The following HS6ST3 variants were observed in gnomAD, a reference collection of about 807,000 sequenced individuals.
HS6ST3 encodes the protein heparan-sulfate 6-O-sulfotransferase 3.
In HS6ST3, 12 loss-of-function variants were observed where a neutral mutation model predicts 36.7. The observed-to-expected ratio is 0.33, with a 90% CI of 0.21 to 0.53. The LOEUF is 0.53. Among genes scored for constraint, HS6ST3 ranks in the 20% least tolerant of loss-of-function variants. The pLI, the probability that HS6ST3 is intolerant of heterozygous loss-of-function variation, is 0.95. For synonymous variants in HS6ST3, 240 were observed against 257.5 expected (o/e 0.93, Z 0.65); for missense variants, 584 against 640.9 (o/e 0.91, Z 0.96).
intron 1 of HS6ST3, among the ~76,000 whole-genome samples, chr13:96,299,645 G>A (rs754697370): frequency 7.2e-5 from 11 of 152,272 alleles, no homozygotes; most frequent in Admixed American, 4.6e-4. Context: ...GAACTTGGGG[G>A]ATAAGTGATA....
At chr13:96,731,312 C>T (rs1876147715) in intron 1 of HS6ST3, among the ~76,000 whole-genome samples, 3 of 152,120 alleles carry the variant, frequency 2.0e-5, no homozygotes, top group African/African-American at 4.8e-5. Flanking sequence ...TTTTCATATT[C>T]CATATAAATG....
At chr13:96,784,607 G>A (rs2138516007) in intron 1 of HS6ST3, among the ~76,000 whole-genome samples, 1 of 152,238 alleles carries the variant, frequency 6.6e-6, no homozygotes, top group East Asian at 1.9e-4. Flanking sequence ...TTAGTCAGCT[G>A]AAAATATTGT....
At chr13:96,786,780 A>G (rs1202420497) in intron 1 of HS6ST3, among the ~76,000 whole-genome samples, 2 of 152,170 alleles carry the variant, frequency 1.3e-5, no homozygotes, top group Non-Finnish European at 2.9e-5. Context: ...GTACAATTCT[A>G]TGAGTTTTAG....
At chr13:96,334,013 A>G (rs1309520318) in intron 1 of HS6ST3, among the ~76,000 whole-genome samples, 1 of 152,132 alleles carries the variant, frequency 6.6e-6, no homozygotes, top group Non-Finnish European at 1.5e-5. Flanking sequence ...ACCTGGCACC[A>G]CGGCCTGTAG....
chr13:96,140,305 G>A (rs1401202558), intron 1 of HS6ST3, among the ~76,000 whole-genome samples: 1 of 152,040 alleles, frequency 6.6e-6, no homozygotes, highest in Non-Finnish European at 1.5e-5. Context: ...ACCTTCTATG[G>A]CTATTGCAGT....
intron 1 of HS6ST3, among the ~76,000 whole-genome samples, chr13:96,600,191 C>A (rs897445924): frequency 6.6e-6 from 1 of 151,976 alleles, no homozygotes; most frequent in African/African-American, 2.4e-5. Context: ...TCTTTGTTGG[C>A]TGTCTGCCTT....
chr13:96,617,041 T>C (rs945531654), intron 1 of HS6ST3, among the ~76,000 whole-genome samples: 1 of 152,240 alleles, frequency 6.6e-6, no homozygotes. Context: ...ATATACCTAG[T>C]GCTGGCATCT....
intron 1 of HS6ST3, among the ~76,000 whole-genome samples, chr13:96,126,721 G>A (rs927703169): frequency 4.6e-5 from 7 of 152,158 alleles, no homozygotes; most frequent in African/African-American, 1.7e-4. Flanking sequence ...CCCAATCTGC[G>A]ACTCTTTCAT....
In HS6ST3 at chr13:96,403,180, A is replaced by G. The variant is rs539214909; in HGVS notation, c.707+311611A>G. Among the ~76,000 whole-genome samples the G allele has an allele frequency of 3.3e-4, 50 of 152,216 alleles. 2 individuals carry two copies. The highest frequency in any genetic ancestry group is 5.0e-4 in the Non-Finnish European group (34 of 68,000). Reference sequence around the variant, plus strand: ...TTATGTGCTTATTGGCCCTGCAAACATCTTTGTTTGTGAAGTGTCGGTTCA... The same window carrying G: ...TTATGTGCTTATTGGCCCTGCAAACGTCTTTGTTTGTGAAGTGTCGGTTCA... On this transcript the variant is annotated intron_variant, in intron 1 of 1. Transcript: ENST00000376705.
intron 1 of HS6ST3, among the ~76,000 whole-genome samples, chr13:96,116,096 T>G (rs1260120865): frequency 3.9e-5 from 6 of 152,130 alleles, no homozygotes. Flanking sequence ...CACAGCAGCA[T>G]CTCTGGAAAA....
chr13:96,797,129 A>G lies in HS6ST3; in HGVS notation c.708-35361A>G, dbSNP rs1025665887. ...TTGGATGATCCTTTTAATTATATTT[A>G]TTGACCCTTCAACTGGAAGTCACCC... is the stretch of plus-strand genomic sequence containing the variant. On this transcript the variant is annotated intron_variant, in intron 1 of 1. Coordinates refer to ENST00000376705, the MANE Select transcript of HS6ST3 (RefSeq NM_153456.4). Among the ~76,000 whole-genome samples, 75 of 152,202 alleles carry G rather than the reference A, an allele frequency of 4.9e-4. 1 individual carries two copies. The highest frequency in any genetic ancestry group is 1.7e-3 in the African/African-American group (72 of 41,550).
In HS6ST3 at chr13:96,835,849, C is replaced by T. The variant is rs530034008; in HGVS notation, c.*2651C>T. 2.6e-5 allele frequency: 4 copies of T among 152,154 alleles called. No individual in the cohort carries two copies. Among genetic ancestry groups the T allele is most frequent in the Non-Finnish European group, 5.9e-5 (4 of 68,044 alleles). 9.4% of individuals were successfully genotyped at this position (152,154 alleles called of 1,614,324 possible). On this transcript the variant is annotated 3_prime_UTR_variant, in exon 2 of 2. Transcript: ENST00000376705. The stretch of plus-strand genomic sequence containing the variant: ...TGCTGAAGGCATGATGTATGCGGCT[C>T]CACTTGAGACCAGGTATCAGGATGT...
intron 1 of HS6ST3, among the ~76,000 whole-genome samples, chr13:96,673,323 A>C (rs1402818232): frequency 1.3e-5 from 2 of 152,140 alleles, no homozygotes; most frequent in Non-Finnish European, 2.9e-5. Flanking sequence ...TTTCCCAATT[A>C]AGATAACATT....
intron 1 of HS6ST3, among the ~76,000 whole-genome samples, chr13:96,679,348 C>A (rs887380427): frequency 6.6e-6 from 1 of 151,722 alleles, no homozygotes; most frequent in Admixed American, 6.6e-5. Context: ...TTAAAATCTC[C>A]GAGCAGGCTT....
chr13:96,633,143 G>A (rs1050044858), intron 1 of HS6ST3, among the ~76,000 whole-genome samples: 1 of 152,124 alleles, frequency 6.6e-6, no homozygotes, highest in African/African-American at 2.4e-5. Context: ...GTTCCATTCC[G>A]TAAATCGGCC....
At chr13:96,464,250 C>CA (rs1475881183) in intron 1 of HS6ST3, among the ~76,000 whole-genome samples, 4 of 151,710 alleles carry the variant, frequency 2.6e-5, no homozygotes. Flanking sequence ...CCCCCCTACC[C>CA]AGTTCCTGTT....
At chr13:96,649,648 T>G (rs1594827088) in intron 1 of HS6ST3, among the ~76,000 whole-genome samples, 1 of 152,192 alleles carries the variant, frequency 6.6e-6, no homozygotes, top group Non-Finnish European at 1.5e-5. Context: ...TCCATTACTG[T>G]ATCCTGATGG....
chr13:96,799,980 A>ATATATATATGTG (rs1555325253), intron 1 of HS6ST3, among the ~76,000 whole-genome samples: 1 of 76,634 alleles, frequency 1.3e-5, no homozygotes, highest in African/African-American at 7.3e-5. Context: ...ATATATATAT[A>ATATATATATGTG]TGTATATATA....
chr13:96,601,546 T>TAACTTTCTCTTGGATCTCA (rs2056421556), intron 1 of HS6ST3, among the ~76,000 whole-genome samples: 1 of 152,158 alleles, frequency 6.6e-6, no homozygotes, highest in African/African-American at 2.4e-5. Flanking sequence ...ATGTTGGTTT[T>TAACTTTCTCTTGGATCTCA]AACTTTCTCT....
Sources: gnomAD v4.1 joint callset for allele counts (sites outside exome capture counted in the v4.1 genomes callset) on GRCh38, gnomAD v4.1.1 for gene constraint, MANE v1.5 for transcripts, NCBI Gene and HGNC (gene_info 2026-07-23, HGNC 2026-07-21) for gene names.